GRM7: variants seen among roughly 807,000 people sequenced by gnomAD.
The protein encoded by GRM7 is glutamate metabotropic receptor 7, also known as metabotropic glutamate receptor 7.
In GRM7, 35 loss-of-function variants were observed where a neutral mutation model predicts 84.5. That is an observed-to-expected ratio of 0.41 (90% CI 0.32 to 0.55). The LOEUF (loss-of-function observed/expected upper bound fraction) is 0.55. GRM7 is among the 20% of genes least tolerant of loss of function. GRM7 has a pLI of 0.19. For missense variants in GRM7, 1,003 were observed against 1,194.6 expected (o/e 0.84, Z 2.36); for synonymous variants, 487 against 455.1 (o/e 1.07, Z -0.89).
At chr3:7,241,313 G>A (rs555519539) in intron 2 of GRM7, among the ~76,000 whole-genome samples, 60 of 152,232 alleles carry the variant, frequency 3.9e-4, no homozygotes, top group African/African-American at 1.4e-3. Flanking sequence ...AGTGGTAGTG[G>A]TCACTGTCTG....
intron 1 of GRM7, among the ~76,000 whole-genome samples, chr3:7,097,315 G>A (rs1338960362): frequency 6.6e-6 from 1 of 152,110 alleles, no homozygotes; most frequent in Non-Finnish European, 1.5e-5. Flanking sequence ...GTTTTTCAAT[G>A]CAATAACTAT....
intron 1 of GRM7, among the ~76,000 whole-genome samples, chr3:7,015,927 C>T (rs1036372443): frequency 3.9e-5 from 6 of 152,134 alleles, no homozygotes; most frequent in African/African-American, 1.4e-4. Context: ...AATTCCAGCC[C>T]ACACTCAATG....
intron 8 of GRM7, among the ~76,000 whole-genome samples, chr3:7,617,697 T>C (rs914995468): frequency 2.0e-5 from 3 of 152,124 alleles, no homozygotes; most frequent in African/African-American, 4.8e-5. Context: ...AGAATTGATA[T>C]AGCCTTATGA....
intron 2 of GRM7, among the ~76,000 whole-genome samples, chr3:7,187,200 A>AACACAC (rs5846494): frequency 2.0e-5 from 3 of 150,552 alleles, no homozygotes; most frequent in Non-Finnish European, 3.0e-5. Flanking sequence ...AGGAAGTGAG[A>AACACAC]ACACACACAC....
At chr3:7,419,147 C>CGT (rs1247619469) in intron 5 of GRM7, among the ~76,000 whole-genome samples, 1 of 151,992 alleles carries the variant, frequency 6.6e-6, no homozygotes, top group Non-Finnish European at 1.5e-5. Context: ...AAAACAAGTA[C>CGT]GTAAGTATAG....
At chr3:7,206,945 C>G (rs79555366) in intron 2 of GRM7, among the ~76,000 whole-genome samples, 1 of 151,814 alleles carries the variant, frequency 6.6e-6, no homozygotes, top group Non-Finnish European at 1.5e-5. Flanking sequence ...AAAATATGGA[C>G]AAGATATATA....
intron 2 of GRM7, among the ~76,000 whole-genome samples, chr3:7,199,910 A>G (rs919611961): frequency 6.6e-6 from 1 of 152,194 alleles, no homozygotes; most frequent in Non-Finnish European, 1.5e-5. Flanking sequence ...GTGTTGCTAT[A>G]ATGAAATACT....
chr3:7,456,568 A>G (rs1231651314), intron 6 of GRM7, among the ~76,000 whole-genome samples: 3 of 150,544 alleles, frequency 2.0e-5, no homozygotes, highest in African/African-American at 2.4e-5. Flanking sequence ...AACTAAGTCC[A>G]CAATCTGCTT....
chr3:7,219,118 A>G (rs906079947), intron 2 of GRM7, among the ~76,000 whole-genome samples: 4 of 152,148 alleles, frequency 2.6e-5, no homozygotes, highest in Non-Finnish European at 5.9e-5. Flanking sequence ...ACTCCTCTGA[A>G]GTTCATTGTT....
At position 7,126,121 on chromosome 3, in the gene GRM7, A is replaced by G. The variant is rs529633435; in HGVS notation, c.520-20331A>G. The stretch of plus-strand genomic sequence containing the variant: ...GGGAAAATCACACTGGAAATAGCTC[A>G]AAGTTCCTGGTGGGTTGTAAAGATG... On this transcript the variant is annotated intron_variant, in intron 1 of 9. Transcript: ENST00000357716. Among the ~76,000 whole-genome samples the G allele has an allele frequency of 1.1e-4, 16 of 152,292 alleles. No homozygotes were observed. In the East Asian group the frequency reaches 2.7e-3, roughly 26 times the overall value.
chr3:7,521,786 G>A (rs918736805), intron 7 of GRM7, among the ~76,000 whole-genome samples: 3 of 152,064 alleles, frequency 2.0e-5, no homozygotes, highest in Non-Finnish European at 2.9e-5. Context: ...AAAAAAGAAC[G>A]CCGAGTAGCC....
chr3:7,270,547 A>G (rs1698816797), intron 2 of GRM7, among the ~76,000 whole-genome samples: 2 of 151,984 alleles, frequency 1.3e-5, no homozygotes, highest in African/African-American at 4.8e-5. Flanking sequence ...GCTTTTTACT[A>G]TCCAGGGATC....
intron 8 of GRM7, among the ~76,000 whole-genome samples, chr3:7,678,630 T>C (rs1700233863): frequency 6.6e-6 from 1 of 152,256 alleles, no homozygotes; most frequent in East Asian, 1.9e-4. Flanking sequence ...CAACATTGTT[T>C]TGTCTTTCTA....
chr3:7,203,425 T>C (rs906175350), intron 2 of GRM7, among the ~76,000 whole-genome samples: 1 of 152,212 alleles, frequency 6.6e-6, no homozygotes. Flanking sequence ...TTCCATATCG[T>C]GTACGTGTGT....
intron 4 of GRM7, among the ~76,000 whole-genome samples, chr3:7,331,194 A>G (rs574149767): frequency 9.2e-5 from 14 of 152,336 alleles, no homozygotes; most frequent in Non-Finnish European, 1.5e-4. Flanking sequence ...CACATTAGAT[A>G]CTAAATAAAT....
At chr3:7,365,677 A>G (rs1410764526) in intron 4 of GRM7, among the ~76,000 whole-genome samples, 1 of 144,964 alleles carries the variant, frequency 6.9e-6, no homozygotes, top group African/African-American at 2.6e-5. Flanking sequence ...ACACACGCAC[A>G]CACACACACA....
chr3:7,063,547 C>A (rs1294111582), intron 1 of GRM7, among the ~76,000 whole-genome samples: 2 of 151,732 alleles, frequency 1.3e-5, no homozygotes, highest in Non-Finnish European at 3.0e-5. Context: ...GTACAAAGCT[C>A]ATTTTCTTGC....
intron 4 of GRM7, among the ~76,000 whole-genome samples, chr3:7,403,815 G>A (rs1300149947): frequency 1.3e-5 from 2 of 151,072 alleles, no homozygotes; most frequent in East Asian, 1.9e-4. Context: ...ATAAGAATAT[G>A]TGTGTGTGGA....
intron 2 of GRM7, among the ~76,000 whole-genome samples, chr3:7,190,203 T>C (rs1292300999): frequency 6.6e-6 from 1 of 152,160 alleles, no homozygotes; most frequent in African/African-American, 2.4e-5. Context: ...CTCTGTGCTT[T>C]CTTACTGGTC....
Sources: allele counts gnomAD v4.1 joint callset (sites outside exome capture counted in the v4.1 genomes callset), GRCh38; gene constraint gnomAD v4.1.1; transcripts MANE v1.5; gene names NCBI Gene and HGNC (gene_info 2026-07-23, HGNC 2026-07-21).